The following FGD3 variants were observed in gnomAD, a reference collection of about 807,000 sequenced individuals.
The protein encoded by FGD3 is FYVE, RhoGEF and PH domain containing 3.
Under a neutral mutation model 71.8 loss-of-function variants are expected in FGD3, and 45 were observed. The observed-to-expected ratio is 0.63, with a 90% confidence interval of 0.49 to 0.80. The LOEUF is 0.80. Ranked by LOEUF, FGD3 falls within the 30% of genes least tolerant of loss-of-function variation. The pLI, the probability that FGD3 is intolerant of heterozygous loss-of-function variation, is 0.00. For synonymous variants in FGD3, 378 were observed against 392.8 expected (o/e 0.96, Z 0.44); for missense variants, 844 against 951.5 (o/e 0.89, Z 1.49).
chr9:92,951,006 C>A (rs1858944741), intron 1 of FGD3, among the ~76,000 whole-genome samples: 2 of 152,018 alleles, frequency 1.3e-5, no homozygotes, highest in Admixed American at 6.5e-5. Context: ...GGCAAGGGTG[C>A]CTAGGAGAAA....
chr9:92,998,394 C>T (rs1860730915), intron 3 of FGD3, among the ~76,000 whole-genome samples: 2 of 152,264 alleles, frequency 1.3e-5, no homozygotes, highest in South Asian at 4.1e-4. Context: ...AGGTTTTTAG[C>T]TTCTTTGCGA....
At chr9:92,991,546 T>A (rs967094440) in intron 3 of FGD3, among the ~76,000 whole-genome samples, 9 of 152,214 alleles carry the variant, frequency 5.9e-5, no homozygotes, top group African/African-American at 2.2e-4. Context: ...TTAAAAAAAA[T>A]TCTGAGGCTT....
At chr9:92,995,140 T>G (rs1860582425) in intron 3 of FGD3, among the ~76,000 whole-genome samples, 1 of 152,156 alleles carries the variant, frequency 6.6e-6, no homozygotes, top group South Asian at 2.1e-4. Flanking sequence ...TGTGTCCTCT[T>G]TTATTTCGTT....
In FGD3 at chr9:93,017,727, C is replaced by T. The variant is rs552658974; in HGVS notation, c.1276-409C>T. ...TGGCTAAGGCCATCCTTGCTCTTCTCATCAGATCCCTTTCCATCCTAAGGG... is the reference window on the plus strand; with the variant it reads ...TGGCTAAGGCCATCCTTGCTCTTCTTATCAGATCCCTTTCCATCCTAAGGG... On this transcript the variant is annotated intron_variant, in intron 10 of 17. Coordinates refer to ENST00000375482, the MANE Select transcript of FGD3 (RefSeq NM_001083536.2). Among the ~76,000 whole-genome samples, 64 of 152,346 alleles carry T rather than the reference C, an allele frequency of 4.2e-4. 1 individual carries two copies. The South Asian group carries it at 0.013, about 31-fold the overall frequency.
At chr9:93,028,497 G>A (rs1036399184) in intron 14 of FGD3, among the ~76,000 whole-genome samples, 11 of 151,724 alleles carry the variant, frequency 7.3e-5, no homozygotes, top group African/African-American at 1.9e-4. Flanking sequence ...CAGTGGTTTC[G>A]GCACCCATAA....
At chr9:93,019,643 C>T (rs1427514007) in intron 11 of FGD3, among the ~76,000 whole-genome samples, 188 bp from the exon 12 acceptor site, 1 of 152,194 alleles carries the variant, frequency 6.6e-6, no homozygotes, top group Admixed American at 6.5e-5. Flanking sequence ...CTGCAGAGGG[C>T]TCCACATGGC....
chr9:92,986,491 C>G (rs1860191499), intron 3 of FGD3, among the ~76,000 whole-genome samples: 1 of 152,182 alleles, frequency 6.6e-6, no homozygotes, highest in African/African-American at 2.4e-5. Flanking sequence ...CATGGAAAGC[C>G]TTTATATGCT....
intron 13 of FGD3, chr9:93,020,652 C>T (rs2118791299): frequency 2.0e-6 from 1 of 498,552 alleles, no homozygotes; most frequent in Non-Finnish European, 3.7e-6. Context: ...AACACCCACC[C>T]CCTACAACCC....
In FGD3 at chr9:92,998,699, C is replaced by T. The variant is rs182312869; in HGVS notation, c.454-4226C>T. 9.2e-5 allele frequency among the ~76,000 whole-genome samples: 14 copies of T among 152,338 alleles called. No homozygotes were observed. In the East Asian group the frequency reaches 2.7e-3, roughly 29 times the overall value. On this transcript the variant is annotated intron_variant, in intron 3 of 17. Transcript: ENST00000375482. ...GTTTGTTAGTTTTCTGTCTAACAGTCAGGACCCTCAGCTGCAGGTCTGTTG... is the reference window on the plus strand; with the variant it reads ...GTTTGTTAGTTTTCTGTCTAACAGTTAGGACCCTCAGCTGCAGGTCTGTTG...
At chr9:92,999,686 C>T (rs192075749) in intron 3 of FGD3, among the ~76,000 whole-genome samples, 102 of 151,672 alleles carry the variant, frequency 6.7e-4, no homozygotes, top group East Asian at 2.9e-3. Context: ...CTCCGCCTCC[C>T]GGGTTCAAGC....
At chr9:92,965,663 T>C (rs1025963450) in intron 1 of FGD3, among the ~76,000 whole-genome samples, 2 of 152,214 alleles carry the variant, frequency 1.3e-5, no homozygotes, top group Non-Finnish European at 2.9e-5. Context: ...AGGTTAGAGC[T>C]GAAATGACCT....
chr9:93,006,271 T>C lies in FGD3; in HGVS notation c.837+91T>C, dbSNP rs2118711788. On this transcript the variant is annotated intron_variant, in intron 6 of 17. Transcript: ENST00000375482. ...TTTTAAAAACATATGTATATATGTA[T>C]ATTTTACTCCAAAAAGTAACATGAC... The C allele has an allele frequency of 2.4e-6, 3 of 1,249,192 alleles. No individual in the cohort carries two copies. In the East Asian group the frequency reaches 9.0e-5, roughly 38 times the overall value. The allele number at this position is 1,249,192 out of a possible 1,614,324, so 77.4% of individuals were successfully genotyped here.
At chr9:93,023,710 T>C (rs1862013487) in intron 14 of FGD3, among the ~76,000 whole-genome samples, 1 of 151,788 alleles carries the variant, frequency 6.6e-6, no homozygotes, top group Admixed American at 6.6e-5. Flanking sequence ...TGCTGTTTGC[T>C]CTGTCCAAGT....
chr9:92,965,511 C>T (rs1587814741), intron 1 of FGD3, among the ~76,000 whole-genome samples: 1 of 152,164 alleles, frequency 6.6e-6, no homozygotes, highest in African/African-American at 2.4e-5. Flanking sequence ...TTACAGGAGG[C>T]CAGAGGAGGC....
At chr9:92,985,803 G>C (rs59042985) in intron 3 of FGD3, among the ~76,000 whole-genome samples, 9,541 of 152,208 alleles carry the variant, frequency 0.063, 402 homozygotes, top group East Asian at 0.16. Context: ...AGGTTTAGGG[G>C]ATCAAACTTT....
chr9:92,972,960 T>C (rs1202097739), intron 1 of FGD3, among the ~76,000 whole-genome samples: 1 of 152,212 alleles, frequency 6.6e-6, no homozygotes, highest in African/African-American at 2.4e-5. Flanking sequence ...TCCACGTCTC[T>C]ACTGGATTTT....
chr9:93,030,106 C>A (rs9696630), intron 15 of FGD3, 110 bp downstream of exon 15: 29 of 1,286,460 alleles, frequency 2.3e-5, no homozygotes, highest in Non-Finnish European at 2.9e-5. Flanking sequence ...CAGCCCTGCA[C>A]GGAAGGGCTT....
chr9:93,007,878 C>T (rs1282433378), intron 6 of FGD3, among the ~76,000 whole-genome samples: 1 of 152,146 alleles, frequency 6.6e-6, no homozygotes, highest in East Asian at 1.9e-4. Context: ...CTGCAAAACA[C>T]GTTGCAGCAG....
rs773672978 is a variant in FGD3 at position 93,020,355 on chromosome 9, C to T, written c.1425C>T (p.Ser475=). Residue 475 remains serine (S), a synonymous_variant, in exon 13 of 18, where the codon AGC becomes AGT. Transcript: ENST00000375482. ...CCATCGAGAAGCACAAACAGAACAG[C>T]GAAACCTTCAAGGCTTTTGGTGGCG... The part of the protein sequence containing the change: ...QATIEKHKQN[S]ETFKAFGGAF... The T allele has an allele frequency of 4.3e-6, 7 of 1,613,672 alleles. No individual in the cohort carries two copies. Among genetic ancestry groups the T allele is most frequent in the East Asian group, 2.2e-5 (1 of 44,868 alleles).
Sources: gnomAD v4.1 joint callset for allele counts (sites outside exome capture counted in the v4.1 genomes callset) on GRCh38, gnomAD v4.1.1 for gene constraint, MANE v1.5 for transcripts, NCBI Gene and HGNC (gene_info 2026-07-23, HGNC 2026-07-21) for gene names.